Variants in TMEM236 observed in about 807,000 individuals in gnomAD.
The protein encoded by TMEM236 is transmembrane protein 236.
A neutral mutation model predicts 14.7 loss-of-function variants in TMEM236; 11 were observed. The ratio of observed to expected loss-of-function variants is 0.75; its 90% CI spans 0.47 to 1.24. The LOEUF is 1.24. Among genes scored for constraint, TMEM236 ranks in the 50% most tolerant of loss-of-function variants. TMEM236 has a pLI of 0.00. For synonymous variants in TMEM236, 182 were observed against 168.6 expected (o/e 1.08, Z -0.62); for missense variants, 464 against 427.3 (o/e 1.09, Z -0.76).
chr10:17,773,080 G>T (rs372915771), intron 2 of TMEM236, among the ~76,000 whole-genome samples: 1 of 152,148 alleles, frequency 6.6e-6, no homozygotes, highest in African/African-American at 2.4e-5. Flanking sequence ...ACTCTTGGTC[G>T]CCATCTTGGT....
In TMEM236 at chr10:17,796,848, G is replaced by C. The variant is rs1262725640; in HGVS notation, c.*344G>C. Reference sequence around the variant, plus strand: ...GCAAGCAGACCGCACAGCACGTGGTGAACCTCAAACTGAGCGTTCCCGCCT... The same window carrying C: ...GCAAGCAGACCGCACAGCACGTGGTCAACCTCAAACTGAGCGTTCCCGCCT... On this transcript the variant is annotated 3_prime_UTR_variant, in exon 4 of 4. Transcript: ENST00000377495. 1 of 314,684 alleles carries C rather than the reference G, an allele frequency of 3.2e-6. No homozygotes were observed. Among genetic ancestry groups the C allele is most frequent in the Non-Finnish European group, 6.0e-6 (1 of 168,038 alleles). The allele number at this position is 314,684 out of a possible 1,614,324, so 19.5% of individuals were successfully genotyped here. A position where few individuals can be genotyped will look rare whatever the true frequency, so the allele number is the denominator to read the frequency against.
At chr10:17,782,217 G>T (rs1427377337) in intron 3 of TMEM236, among the ~76,000 whole-genome samples, 1 of 152,044 alleles carries the variant, frequency 6.6e-6, no homozygotes, top group Non-Finnish European at 1.5e-5. Context: ...ATGCCATGTT[G>T]AATTTTTTCT....
rs912483744 is a variant in TMEM236 at position 17,775,053 on chromosome 10, G to A, written c.331-976G>A. Among the ~76,000 whole-genome samples the A allele has an allele frequency of 6.4e-4, 98 of 152,086 alleles. 1 individual carries two copies. Among genetic ancestry groups the A allele is most frequent in the African/African-American group, 2.2e-3 (91 of 41,496 alleles). ...TGACCTCAGGTGATCCACCTGCCTC[G>A]TCTTCCCAAAGTGTTGGGATTACAG... On this transcript the variant is annotated intron_variant, in intron 2 of 3. Coordinates refer to ENST00000377495, the MANE Select transcript of TMEM236 (RefSeq NM_001098844.3).
intron 3 of TMEM236, among the ~76,000 whole-genome samples, chr10:17,785,705 C>T (rs1211658451): frequency 1.3e-5 from 2 of 151,764 alleles, no homozygotes; most frequent in African/African-American, 2.4e-5. Flanking sequence ...GCAATGTGCT[C>T]AGGGGTGACT....
Position 17,785,972 on chromosome 10 carries a change from G to A in TMEM236, c.472+9802G>A, listed in dbSNP as rs1036223521. On this transcript the variant is annotated intron_variant, in intron 3 of 3. Transcript: ENST00000377495. ...GCCAAAAGCTATACTGGAGTGAGCCGGGTACCAACAGACATAGAATGTCAG... is the reference window on the plus strand; with the variant it reads ...GCCAAAAGCTATACTGGAGTGAGCCAGGTACCAACAGACATAGAATGTCAG... Among the ~76,000 whole-genome samples the A allele has an allele frequency of 6.4e-3, 969 of 152,174 alleles. 6 individuals are homozygous for A. The highest frequency in any genetic ancestry group is 0.022 in the African/African-American group (933 of 41,508).
intron 1 of TMEM236, among the ~76,000 whole-genome samples, chr10:17,758,116 T>C (rs1475483379): frequency 6.6e-6 from 1 of 152,100 alleles, no homozygotes; most frequent in Non-Finnish European, 1.5e-5. Context: ...TCACCCAGAG[T>C]GCATTTGGCT....
chr10:17,761,110 A>C (rs1410386778), intron 1 of TMEM236, among the ~76,000 whole-genome samples: 1 of 152,136 alleles, frequency 6.6e-6, no homozygotes, highest in Non-Finnish European at 1.5e-5. Context: ...TCTCTCTTGC[A>C]TCAGCTCCTT....
At chr10:17,768,475 A>G (rs1258459325) in intron 1 of TMEM236, among the ~76,000 whole-genome samples, 9 of 152,240 alleles carry the variant, frequency 5.9e-5, no homozygotes, top group Non-Finnish European at 1.3e-4. Context: ...AAATCTGTAT[A>G]TTTTATTTTA....
intron 1 of TMEM236, among the ~76,000 whole-genome samples, chr10:17,753,947 A>T (rs1837245926): frequency 1.3e-5 from 2 of 152,248 alleles, no homozygotes; most frequent in Admixed American, 1.3e-4. Flanking sequence ...AGAATGTGAC[A>T]TTAATGGGAG....
chr10:17,759,643 G>A (rs1279229890), intron 1 of TMEM236, among the ~76,000 whole-genome samples: 2 of 152,102 alleles, frequency 1.3e-5, no homozygotes, highest in Non-Finnish European at 2.9e-5. Context: ...CACATTGTCT[G>A]TATTATTTTA....
chr10:17,762,602 TATA>T (rs1837386584), intron 1 of TMEM236, among the ~76,000 whole-genome samples: 1 of 80,770 alleles, frequency 1.2e-5, no homozygotes, highest in Non-Finnish European at 2.1e-5. Context: ...TATATATATA[TATA>T]TATATATATA....
Position 17,798,598 on chromosome 10 carries a change from T to G in TMEM236, c.*2094T>G. On this transcript the variant is annotated 3_prime_UTR_variant, in exon 4 of 4. Transcript: ENST00000377495. ...TACGCTCCACCAAATACCTCTCCCC[T>G]TGCCACCCTGTCTCCCTTTCCCTCT... 1 of 534,320 alleles carries G rather than the reference T, an allele frequency of 1.9e-6. No homozygotes were observed. The highest frequency in any genetic ancestry group is 3.8e-6 in the Non-Finnish European group (1 of 259,858). The allele number at this position is 534,320 out of a possible 1,614,324, so 33.1% of individuals were successfully genotyped here. A position where few individuals can be genotyped will look rare whatever the true frequency, so the allele number is the denominator to read the frequency against.
chr10:17,771,357 C>A lies in TMEM236; in HGVS notation c.306C>A (p.Leu102=). 6.2e-7 allele frequency: 1 copy of A among 1,613,956 alleles called. No homozygotes were observed. The highest frequency in any genetic ancestry group is 1.1e-5 in the South Asian group (1 of 91,070). The change falls in exon 2 of 4, where the codon CTC becomes CTA. Residue 102 remains leucine (L), a synonymous_variant. Transcript: ENST00000377495. ...MCVVLTTLPC[L]TFSIAVTEVQ... is the part of the protein sequence containing the mutation. ...TGGTCCTCACCACACTGCCCTGCCT[C>A]ACCTTTTCCATAGCAGTGACTGAGG...
Position 17,796,400 on chromosome 10 carries a change from G to A in TMEM236, c.952G>A (p.Val318Ile), listed in dbSNP as rs909236963. The A allele has an allele frequency of 7.3e-5, 118 of 1,613,746 alleles. No individual in the cohort carries two copies. In the East Asian group the frequency reaches 1.2e-3, roughly 17 times the overall value. The change falls in exon 4 of 4, where the codon GTA becomes ATA. Residue 318 changes from valine (V) to isoleucine (I), a missense_variant. By Grantham distance (29) the Val-to-Ile change is conservative (BLOSUM62 3). Transcript: ENST00000377495. ...LIIALGTITP[V>I]LGLCKNILVT... ...CATTGCCCTGGGGACTATCACACCC[G>A]TACTGGGCCTGTGTAAAAATATCCT...
chr10:17,776,936 G>A (rs1435081667), intron 3 of TMEM236, among the ~76,000 whole-genome samples: 1 of 152,220 alleles, frequency 6.6e-6, no homozygotes, highest in Non-Finnish European at 1.5e-5. Context: ...ATTTCTTGCG[G>A]TAGTATCTGT....
At position 17,799,212 on chromosome 10, in the gene TMEM236, C is replaced by T. The variant is rs1838060286; in HGVS notation, c.*2708C>T. The T allele has an allele frequency of 6.3e-6, 1 of 158,684 alleles. No individual in the cohort carries two copies. The highest frequency in any genetic ancestry group is 2.4e-5 in the African/African-American group (1 of 41,452). The allele number at this position is 158,684 out of a possible 1,614,324, so 9.8% of individuals were successfully genotyped here. ...TCTGAGTGTCCTATTAATCTTTATTCCTTAAAGGAAAGCCTGAGGGCATCT... is the reference window on the plus strand; with the variant it reads ...TCTGAGTGTCCTATTAATCTTTATTTCTTAAAGGAAAGCCTGAGGGCATCT... On this transcript the variant is annotated 3_prime_UTR_variant, in exon 4 of 4. Coordinates refer to ENST00000377495, the MANE Select transcript of TMEM236 (RefSeq NM_001098844.3).
In TMEM236 at chr10:17,795,910, G is replaced by C. The variant is rs1179036243; in HGVS notation, c.473-11G>C. On this transcript the variant is annotated splice_polypyrimidine_tract_variant and intron_variant, in intron 3 of 3. Coordinates refer to ENST00000377495, the MANE Select transcript of TMEM236 (RefSeq NM_001098844.3). ...TAAAAACTAAAATGTAAATAAATCT[G>C]TTAATTGCAGGTAGTGAAAATGGAC... The C allele has an allele frequency of 1.6e-5, 26 of 1,613,102 alleles. No individual in the cohort carries two copies. The highest frequency in any genetic ancestry group is 2.2e-5 in the Non-Finnish European group (26 of 1,179,068).
chr10:17,755,856 A>C (rs1201104778), intron 1 of TMEM236, among the ~76,000 whole-genome samples: 1 of 152,172 alleles, frequency 6.6e-6, no homozygotes, highest in Admixed American at 6.5e-5. Flanking sequence ...TCTGAATGTC[A>C]TTTAGGCAGC....
Position 17,796,491 on chromosome 10 carries a change from T to C in TMEM236, c.1043T>C (p.Met348Thr). 1.9e-6 allele frequency: 3 copies of C among 1,611,978 alleles called. No individual in the cohort carries two copies. The highest frequency in any genetic ancestry group is 2.5e-6 in the Non-Finnish European group (3 of 1,178,168). Reference protein sequence around the residue: ...TRIRIFSAFEMSPF With the variant: ...TRIRIFSAFETSPF ...ATCAGGATTTTTTCTGCCTTTGAAA[T>C]GTCTCCATTTTAAAAAGGAAATGGG... Residue 348 changes from methionine (M) to threonine (T), a missense_variant, in exon 4 of 4, where the codon ATG (methionine) becomes ACG (threonine). Met to Thr is a moderately conservative substitution (Grantham distance 81). Coordinates refer to ENST00000377495, the MANE Select transcript of TMEM236 (RefSeq NM_001098844.3).
Sources: allele counts gnomAD v4.1 joint callset (sites outside exome capture counted in the v4.1 genomes callset), GRCh38; gene constraint gnomAD v4.1.1; transcripts MANE v1.5; gene names NCBI Gene and HGNC (gene_info 2026-07-23, HGNC 2026-07-21).